The following NALF1 variants were observed in gnomAD, a reference collection of about 807,000 sequenced individuals.
NALF1 encodes the protein family with sequence similarity 155 member A.
Under a neutral mutation model 48.4 loss-of-function variants are expected in NALF1, and 3 were observed. That is an observed-to-expected ratio of 0.06 (90% CI 0.03 to 0.16). The LOEUF is 0.16. NALF1 is among the 10% of genes least tolerant of loss of function. NALF1 has a pLI of 1.00. For synonymous variants in NALF1, 262 were observed against 245.7 expected (o/e 1.07, Z -0.62); for missense variants, 526 against 571.5 (o/e 0.92, Z 0.81).
At chr13:107,173,686 C>T (rs1327589991) in intron 2 of NALF1, among the ~76,000 whole-genome samples, 1 of 152,158 alleles carries the variant, frequency 6.6e-6, no homozygotes, top group Non-Finnish European at 1.5e-5. Context: ...GGTTTACAAC[C>T]TCTAGTGTCT....
chr13:107,644,017 A>C (rs1880237146), intron 1 of NALF1, among the ~76,000 whole-genome samples: 2 of 151,526 alleles, frequency 1.3e-5, no homozygotes, highest in Non-Finnish European at 2.9e-5. Context: ...AAATTTCTGA[A>C]GAATTACAAA....
chr13:107,512,920 C>G (rs1017486822), intron 1 of NALF1, among the ~76,000 whole-genome samples: 1 of 152,158 alleles, frequency 6.6e-6, no homozygotes, highest in African/African-American at 2.4e-5. Context: ...AGTTCCGCCT[C>G]TTACCTCAAT....
chr13:107,860,972 G>C (rs1594319354), intron 1 of NALF1, among the ~76,000 whole-genome samples: 1 of 152,258 alleles, frequency 6.6e-6, no homozygotes, highest in East Asian at 1.9e-4. Flanking sequence ...TAAACTTTGT[G>C]ATCATACCTA....
chr13:107,414,563 G>T (rs754723570), intron 1 of NALF1, among the ~76,000 whole-genome samples: 4 of 150,964 alleles, frequency 2.6e-5, no homozygotes, highest in Non-Finnish European at 5.9e-5. Context: ...CCTCATCATT[G>T]CTCACTCTAC....
intron 1 of NALF1, among the ~76,000 whole-genome samples, chr13:107,423,299 C>T (rs559048106): frequency 6.6e-6 from 1 of 152,194 alleles, no homozygotes; most frequent in South Asian, 2.1e-4. Flanking sequence ...GTCAGGAATG[C>T]TGGGAAAAAT....
At chr13:107,777,617 T>A (rs981907309) in intron 1 of NALF1, among the ~76,000 whole-genome samples, 1 of 152,170 alleles carries the variant, frequency 6.6e-6, no homozygotes. Context: ...TCTGCCTAAT[T>A]GTAAGCTTCC....
At chr13:107,354,716 C>G (rs557748434) in intron 1 of NALF1, among the ~76,000 whole-genome samples, 1 of 152,154 alleles carries the variant, frequency 6.6e-6, no homozygotes, top group South Asian at 2.1e-4. Flanking sequence ...TTTGGAGGCT[C>G]CCAATTTGGA....
At chr13:107,340,609 C>T (rs1191355992) in intron 1 of NALF1, among the ~76,000 whole-genome samples, 1 of 151,554 alleles carries the variant, frequency 6.6e-6, no homozygotes, top group African/African-American at 2.4e-5. Context: ...GTGTATATCA[C>T]TGGCAGTGGA....
At chr13:107,778,108 T>C (rs1310074528) in intron 1 of NALF1, among the ~76,000 whole-genome samples, 1 of 152,174 alleles carries the variant, frequency 6.6e-6, no homozygotes, top group Non-Finnish European at 1.5e-5. Flanking sequence ...CCTGGGTAAA[T>C]GAAATAACGT....
chr13:107,410,915 G>C (rs749221622), intron 1 of NALF1, among the ~76,000 whole-genome samples: 1 of 152,182 alleles, frequency 6.6e-6, no homozygotes, highest in Non-Finnish European at 1.5e-5. Context: ...AAAATGCCCA[G>C]TTCACGGGAG....
intron 1 of NALF1, among the ~76,000 whole-genome samples, chr13:107,653,033 A>C (rs2138469374): frequency 6.6e-6 from 1 of 152,240 alleles, no homozygotes. Context: ...GTTGAAGGAC[A>C]CTTCATTCAT....
chr13:107,741,099 C>T (rs1286257368), intron 1 of NALF1, among the ~76,000 whole-genome samples: 6 of 152,082 alleles, frequency 3.9e-5, no homozygotes, highest in Non-Finnish European at 7.4e-5. Flanking sequence ...TATAATACAA[C>T]AAAATAAAAT....
At chr13:107,581,531 T>C (rs1878308899) in intron 1 of NALF1, among the ~76,000 whole-genome samples, 1 of 152,090 alleles carries the variant, frequency 6.6e-6, no homozygotes, top group Non-Finnish European at 1.5e-5. Flanking sequence ...AACTGACACA[T>C]AAAACCTTGT....
At chr13:107,758,828 GT>G (rs774979841) in intron 1 of NALF1, among the ~76,000 whole-genome samples, 16 of 152,312 alleles carry the variant, frequency 1.1e-4, no homozygotes, top group South Asian at 2.1e-4. Context: ...TGGATAAAAT[GT>G]TTAGGTATAG....
rs551646316 is a variant in NALF1, at chr13:107,739,373, T to C, written c.915+126309A>G. 3.4e-5 allele frequency among the ~76,000 whole-genome samples: 5 copies of C among 148,152 alleles called. No homozygotes were observed. In the South Asian group the frequency reaches 6.3e-4, roughly 19 times the overall value. The stretch of plus-strand genomic sequence containing the variant: ...TTTTCATATATAATATATAAATATA[T>C]AATTAAGATAAAATATTACATATTA... On this transcript the variant is annotated intron_variant, in intron 1 of 2. Transcript: ENST00000375915.
intron 1 of NALF1, among the ~76,000 whole-genome samples, chr13:107,861,085 C>T (rs1880556701): frequency 6.6e-6 from 1 of 152,070 alleles, no homozygotes; most frequent in South Asian, 2.1e-4. Context: ...TGTTGGATAT[C>T]TTTCTATAAA....
chr13:107,430,586 T>G (rs904313751), intron 1 of NALF1, among the ~76,000 whole-genome samples: 6 of 152,246 alleles, frequency 3.9e-5, no homozygotes, highest in East Asian at 3.9e-4. Flanking sequence ...TGCTGAGAAT[T>G]ATGGTTTCCA....
intron 1 of NALF1, among the ~76,000 whole-genome samples, chr13:107,330,484 A>C (rs986191922): frequency 1.3e-5 from 2 of 152,234 alleles, no homozygotes; most frequent in Non-Finnish European, 2.9e-5. Context: ...TAAAAAACAC[A>C]TCTTGGTAGC....
At position 107,676,295 on chromosome 13, in the gene NALF1, A is replaced by C. The variant is rs577467779; in HGVS notation, c.915+189387T>G. Reference sequence around the variant, plus strand: ...ATATAGACTTAGGTCCGGTGCCTAAAGATGTCAATGGGGCAGTCAGCATTC... The same window carrying C: ...ATATAGACTTAGGTCCGGTGCCTAACGATGTCAATGGGGCAGTCAGCATTC... On this transcript the variant is annotated intron_variant, in intron 1 of 2. Coordinates refer to ENST00000375915, the MANE Select transcript of NALF1 (RefSeq NM_001080396.3). 8.5e-5 allele frequency among the ~76,000 whole-genome samples: 13 copies of C among 152,322 alleles called. No homozygotes were observed. The South Asian group carries it at 2.7e-3, about 32-fold the overall frequency.
Sources: allele counts gnomAD v4.1 joint callset (sites outside exome capture counted in the v4.1 genomes callset), GRCh38; gene constraint gnomAD v4.1.1; transcripts MANE v1.5; gene names NCBI Gene and HGNC (gene_info 2026-07-23, HGNC 2026-07-21).